The following SP9 variants were observed in gnomAD, a reference collection of about 807,000 sequenced individuals.
SP9 encodes the protein transcription factor Sp9.
In SP9, 5 loss-of-function variants were observed where a neutral mutation model predicts 23.0. The ratio of observed to expected loss-of-function variants is 0.22; its 90% CI spans 0.11 to 0.46. The LOEUF (loss-of-function observed/expected upper bound fraction) is 0.46, where lower values mean the gene tolerates loss of function less well. Among genes scored for constraint, SP9 ranks in the 20% least tolerant of loss-of-function variants. The probability of loss-of-function intolerance (pLI) is 0.99; values close to 1 mark genes in which losing one functional copy is unlikely to be tolerated. For missense variants in SP9, 542 were observed against 724.0 expected (o/e 0.75, Z 2.88); for synonymous variants, 360 against 356.5 (o/e 1.01, Z -0.11).
Position 174,334,979 on chromosome 2 carries a change from T to G in SP9, c.-114T>G. The stretch of plus-strand genomic sequence containing the variant: ...GAGTTTAGCCGGCGGGAGCCTGGAG[T>G]CCGCTCGGCACGAGCGCGGGGACGC... On this transcript the variant is annotated 5_prime_UTR_variant, in exon 1 of 2. Transcript: ENST00000394967. The G allele has an allele frequency of 1.6e-6, 2 of 1,262,084 alleles. No homozygotes were observed. Among genetic ancestry groups the G allele is most frequent in the East Asian group, 2.6e-5 (1 of 39,026 alleles). 78.2% of individuals were successfully genotyped at this position (1,262,084 alleles called of 1,614,324 possible).
Position 174,337,279 on chromosome 2 carries a change from C to G in SP9, c.1194C>G (p.Asn398Lys), listed in dbSNP as rs1413104927. ...GEKRFACPVC[N>K]KRFMRSDHLS... ...AGCGCTTCGCCTGTCCGGTGTGCAA[C>G]AAGCGCTTCATGCGCAGCGACCACC... Residue 398 changes from asparagine (N) to lysine (K), a missense_variant, in exon 2 of 2, where the codon AAC becomes AAG. Transcript: ENST00000394967. The G allele has an allele frequency of 4.5e-6, 7 of 1,559,854 alleles. No homozygotes were observed. Among genetic ancestry groups the G allele is most frequent in the East Asian group, 2.4e-5 (1 of 41,414 alleles).
chr2:174,337,447 G>GGCGGCGGCA lies in SP9; in HGVS notation c.1371_1379dup (p.Ala468_Ala470dup), dbSNP rs1490670464. The GGCGGCGGCA allele has an allele frequency of 2.4e-6, 3 of 1,257,226 alleles. No homozygotes were observed. Among genetic ancestry groups the GGCGGCGGCA allele is most frequent in the East Asian group, 3.7e-5 (1 of 27,142 alleles). 77.9% of individuals were successfully genotyped at this position (1,257,226 alleles called of 1,614,324 possible). A position where few individuals can be genotyped will look rare whatever the true frequency, so the allele number is the denominator to read the frequency against. ...ATGACTCCGGCGTCAGTGCCGCCCG[G>GGCGGCGGCA]GCGGCGGCAGCGGCGGCGGCGGCAG... On this transcript the variant is annotated inframe_insertion, in exon 2 of 2. Transcript: ENST00000394967.
rs1216086099 is a variant in SP9 at position 174,336,690 on chromosome 2, G to T, written c.605G>T (p.Ser202Ile). 1 of 1,519,882 alleles carries T rather than the reference G, an allele frequency of 6.6e-7. No homozygotes were observed. The highest frequency in any genetic ancestry group is 8.8e-7 in the Non-Finnish European group (1 of 1,139,968). The allele number at this position is 1,519,882 out of a possible 1,614,324, so 94.1% of individuals were successfully genotyped here. A position where few individuals can be genotyped will look rare whatever the true frequency, so the allele number is the denominator to read the frequency against. The change falls in exon 2 of 2, where the codon AGC (serine) becomes ATC (isoleucine). Residue 202 changes from serine (S) to isoleucine (I), a missense_variant. Around this residue, in one of 8 missense-constraint regions of SP9, gnomAD observed 144 missense variants for 158.7 expected, o/e 0.91. Transcript: ENST00000394967. ...CAGAACCCCGCTGGGGGGCTCCAGA[G>T]CTCGCTGCACTCGGGCGCCCCCCAG... is the stretch of plus-strand genomic sequence containing the variant. Reference protein sequence around the residue: ...EVQNPAGGLQSSLHSGAPQAS... With the variant: ...EVQNPAGGLQISLHSGAPQAS...
chr2:174,335,953 C>G, intron 1 of SP9, 154 bp from the exon 2 acceptor site: 1 of 693,962 alleles, frequency 1.4e-6, no homozygotes, highest in Non-Finnish European at 2.4e-6. Flanking sequence ...GCGACTCCTC[C>G]GCGGGCGCGT....
chr2:174,337,946 A>G lies in SP9; in HGVS notation c.*406A>G, dbSNP rs1017339303. On this transcript the variant is annotated 3_prime_UTR_variant, in exon 2 of 2. Transcript: ENST00000394967. ...ACATAGAAAGGCTCCCTCTTTGCCC[A>G]CTCTCCACCTCCCTCCAACACCCGT... 1 of 152,224 alleles carries G rather than the reference A, an allele frequency of 6.6e-6. No homozygotes were observed. The highest frequency in any genetic ancestry group is 2.4e-5 in the African/African-American group (1 of 41,338). 9.4% of individuals were successfully genotyped at this position (152,224 alleles called of 1,614,324 possible).
In SP9 at chr2:174,336,301, C is replaced by A; in HGVS notation, c.216C>A (p.Gly72=). 1 of 1,510,832 alleles carries A rather than the reference C, an allele frequency of 6.6e-7. No homozygotes were observed. Among genetic ancestry groups the A allele is most frequent in the Non-Finnish European group, 8.8e-7 (1 of 1,133,828 alleles). 93.6% of individuals were successfully genotyped at this position (1,510,832 alleles called of 1,614,324 possible). The change falls in exon 2 of 2, where the codon GGC becomes GGA. Residue 72 remains glycine, a synonymous_variant. Transcript: ENST00000394967. ...CGGGCTTCGCGGTGGCCACCGGGGG[C>A]CGTGGCTCGGGCGGCCTGGCGGGCG... The part of the protein sequence containing the change: ...SLSGFAVATG[G]RGSGGLAGGS...
rs2105510687 is a variant in SP9, at chr2:174,337,715, G to C, written c.*175G>C. 2 of 815,078 alleles carry C rather than the reference G, an allele frequency of 2.5e-6. No individual in the cohort carries two copies. The highest frequency in any genetic ancestry group is 1.5e-4 in the East Asian group (2 of 13,790). The allele number at this position is 815,078 out of a possible 1,614,324, so 50.5% of individuals were successfully genotyped here. Reference sequence around the variant, plus strand: ...GCTCCCGGGCTGCGGTTCGCCCGCTGTGCGAGGAGCTCCCCTCTGCCTTCC... The same window carrying C: ...GCTCCCGGGCTGCGGTTCGCCCGCTCTGCGAGGAGCTCCCCTCTGCCTTCC... On this transcript the variant is annotated 3_prime_UTR_variant, in exon 2 of 2. Transcript: ENST00000394967.
rs767151085 is a variant in SP9 at position 174,337,456 on chromosome 2, AGCGGCGGCGGCGGCAGCGGCG to A, written c.1386_1406del (p.Ala464_Ala470del). 3.6e-4 allele frequency: 455 copies of A among 1,265,880 alleles called. 41 individuals carry two copies. The highest frequency in any genetic ancestry group is 4.1e-4 in the East Asian group (11 of 27,132). The allele number at this position is 1,265,880 out of a possible 1,614,324, so 78.4% of individuals were successfully genotyped here. A position where few individuals can be genotyped will look rare whatever the true frequency, so the allele number is the denominator to read the frequency against. ...GCGTCAGTGCCGCCCGGGCGGCGGC[AGCGGCGGCGGCGGCAGCGGCG>A]GCGGCGGCGGCGGCGGCCTCCGCGG... On this transcript the variant is annotated inframe_deletion, in exon 2 of 2. Transcript: ENST00000394967.
In SP9 at chr2:174,338,429, G is replaced by A. The variant is rs1684454053; in HGVS notation, c.*889G>A. On this transcript the variant is annotated 3_prime_UTR_variant, in exon 2 of 2. Coordinates refer to ENST00000394967, the MANE Select transcript of SP9 (RefSeq NM_001145250.2). Reference sequence around the variant, plus strand: ...TTAAGGTCATCTAAAGAAATTAAATGCGTTTATCTGTATCAAGAAAATCTT... The same window carrying A: ...TTAAGGTCATCTAAAGAAATTAAATACGTTTATCTGTATCAAGAAAATCTT... 6.6e-6 allele frequency: 1 copy of A among 152,102 alleles called. No homozygotes were observed. Among genetic ancestry groups the A allele is most frequent in the African/African-American group, 2.4e-5 (1 of 41,408 alleles). The allele number at this position is 152,102 out of a possible 1,614,324, so 9.4% of individuals were successfully genotyped here.
Position 174,337,006 on chromosome 2 carries a change from C to T in SP9, c.921C>T (p.Thr307=), listed in dbSNP as rs187058116. The stretch of plus-strand genomic sequence containing the variant: ...CCCGCCGCTACTCGGGCCGCGCCAC[C>T]TGCGACTGCCCCAACTGCCAGGAGG... The part of the protein sequence containing the change: ...RSARRYSGRA[T]CDCPNCQEAE... The change falls in exon 2 of 2, where the codon ACC becomes ACT. Residue 307 remains threonine (T), a synonymous_variant. Transcript: ENST00000394967. 12,862 of 1,475,262 alleles carry T rather than the reference C, an allele frequency of 8.7e-3. 78 individuals are homozygous for T. Among genetic ancestry groups the T allele is most frequent in the Non-Finnish European group, 9.5e-3 (10,647 of 1,120,562 alleles). 91.4% of individuals were successfully genotyped at this position (1,475,262 alleles called of 1,614,324 possible).
At chr2:174,335,473 A>T in intron 1 of SP9, 1 of 286,308 alleles carries the variant, frequency 3.5e-6, no homozygotes, top group Non-Finnish European at 6.7e-6. Flanking sequence ...TTTGCAGTCC[A>T]TCTAGTCACG....
chr2:174,336,441 C>T lies in SP9; in HGVS notation c.356C>T (p.Ala119Val), dbSNP rs1312623213. 3.9e-5 allele frequency: 58 copies of T among 1,470,726 alleles called. No individual in the cohort carries two copies. The highest frequency in any genetic ancestry group is 4.8e-5 in the Non-Finnish European group (54 of 1,119,746). 91.1% of individuals were successfully genotyped at this position (1,470,726 alleles called of 1,614,324 possible). ...AACTCGGCGGCTGCCGCGGCGGCAGCGGCCGGGGTGTCCCCGCAGGAGGCG... is the reference window on the plus strand; with the variant it reads ...AACTCGGCGGCTGCCGCGGCGGCAGTGGCCGGGGTGTCCCCGCAGGAGGCG... ...FSNSAAAAAA[A>V]AGVSPQEAGG... The change falls in exon 2 of 2, where the codon GCG becomes GTG. Residue 119 changes from alanine to valine, a missense_variant. Physicochemically the swap from Ala to Val is moderately conservative, Grantham distance 64. Around this residue, in one of 8 missense-constraint regions of SP9, gnomAD observed 201 missense variants for 226.3 expected, o/e 0.89. Coordinates refer to ENST00000394967, the MANE Select transcript of SP9 (RefSeq NM_001145250.2).
chr2:174,336,035 G>A, intron 1 of SP9, 72 bp from the exon 2 acceptor site: 1 of 1,426,568 alleles, frequency 7.0e-7, no homozygotes, highest in Non-Finnish European at 9.6e-7. Flanking sequence ...GCTCACGGGT[G>A]CACTTTGTTT....
chr2:174,336,000 G>C, intron 1 of SP9, 107 bp from the exon 2 acceptor site: 1 of 1,087,398 alleles, frequency 9.2e-7, no homozygotes, highest in Non-Finnish European at 1.3e-6. Context: ...AGGACCCCCC[G>C]GGAGCAGCCG....
chr2:174,337,493 G>A lies in SP9; in HGVS notation c.1408G>A (p.Ala470Thr). 8.4e-7 allele frequency: 1 copy of A among 1,194,230 alleles called. No homozygotes were observed. Among genetic ancestry groups the A allele is most frequent in the Non-Finnish European group, 1.0e-6 (1 of 959,854 alleles). The allele number at this position is 1,194,230 out of a possible 1,614,324, so 74.0% of individuals were successfully genotyped here. A position where few individuals can be genotyped will look rare whatever the true frequency, so the allele number is the denominator to read the frequency against. Reference sequence around the variant, plus strand: ...GGCAGCGGCGGCGGCGGCGGCGGCGGCCTCCGCGGGAGGCAAGGAAGCAGC... The same window carrying A: ...GGCAGCGGCGGCGGCGGCGGCGGCGACCTCCGCGGGAGGCAAGGAAGCAGC... ...AAAAAAAAAA[A>T]SAGGKEAASG... is the part of the protein sequence containing the mutation. Residue 470 changes from alanine to threonine, a missense_variant, in exon 2 of 2, where the codon GCC becomes ACC. Coordinates refer to ENST00000394967, the MANE Select transcript of SP9 (RefSeq NM_001145250.2).
rs1373318717 is a variant in SP9, at chr2:174,336,970, G to C, written c.885G>C (p.Ser295=). 8.4e-6 allele frequency: 12 copies of C among 1,433,114 alleles called. No homozygotes were observed. The highest frequency in any genetic ancestry group is 1.5e-5 in the African/African-American group (1 of 66,678). The allele number at this position is 1,433,114 out of a possible 1,614,324, so 88.8% of individuals were successfully genotyped here. The change falls in exon 2 of 2, where the codon TCG becomes TCC. Residue 295 remains serine (S), a synonymous_variant. Coordinates refer to ENST00000394967, the MANE Select transcript of SP9 (RefSeq NM_001145250.2). Reference sequence around the variant, plus strand: ...CGGCTGCCGCCGCCGGGGGGAGCTCGGCACGCTCTGCCCGCCGCTACTCGG... The same window carrying C: ...CGGCTGCCGCCGCCGGGGGGAGCTCCGCACGCTCTGCCCGCCGCTACTCGG... ...GAAAAAAGGS[S]ARSARRYSGR...
In SP9 at chr2:174,337,437, G is replaced by A. The variant is rs1314948150; in HGVS notation, c.1352G>A (p.Ser451Asn). The A allele has an allele frequency of 2.2e-6, 3 of 1,337,468 alleles. No individual in the cohort carries two copies. The highest frequency in any genetic ancestry group is 3.0e-5 in the East Asian group (1 of 33,506). The allele number at this position is 1,337,468 out of a possible 1,614,324, so 82.9% of individuals were successfully genotyped here. A position where few individuals can be genotyped will look rare whatever the true frequency, so the allele number is the denominator to read the frequency against. Residue 451 changes from serine (S) to asparagine (N), a missense_variant, in exon 2 of 2, where the codon AGT (serine) becomes AAT (asparagine). Transcript: ENST00000394967. The stretch of plus-strand genomic sequence containing the variant: ...CTCATCCTGCATGACTCCGGCGTCA[G>A]TGCCGCCCGGGCGGCGGCAGCGGCG... ...PDLILHDSGV[S>N]AARAAAAAAA...
In SP9 at chr2:174,336,768, C is replaced by T; in HGVS notation, c.683C>T (p.Thr228Met). 1 of 1,533,382 alleles carries T rather than the reference C, an allele frequency of 6.5e-7. No homozygotes were observed. 95.0% of individuals were successfully genotyped at this position (1,533,382 alleles called of 1,614,324 possible). A position where few individuals can be genotyped will look rare whatever the true frequency, so the allele number is the denominator to read the frequency against. ...GTYNPDFSSL[T>M]HSAFSSTGLG... ...TACAACCCCGACTTCAGCTCGCTCA[C>T]GCACTCCGCCTTCAGCTCCACGGGC... is the stretch of plus-strand genomic sequence containing the variant. The change falls in exon 2 of 2, where the codon ACG (threonine) becomes ATG (methionine). Residue 228 changes from threonine (T) to methionine (M), a missense_variant. By Grantham distance (81) the Thr-to-Met change is moderately conservative. Around this residue, in one of 8 missense-constraint regions of SP9, gnomAD observed 144 missense variants for 158.7 expected, o/e 0.91. Transcript: ENST00000394967.
intron 1 of SP9, 43 bp from the exon 2 acceptor site, chr2:174,336,064 G>T (rs961227821): frequency 1.3e-6 from 2 of 1,533,244 alleles, no homozygotes; most frequent in Non-Finnish European, 1.8e-6. Context: ...ACTTCCTCTT[G>T]CCCTCCTCCT....
Sources: gnomAD v4.1 joint callset for allele counts on GRCh38, gnomAD v4.1.1 for gene constraint, gnomAD v4.1.1 regional missense constraint, MANE v1.5 for transcripts, NCBI Gene and HGNC (gene_info 2026-07-23, HGNC 2026-07-21) for gene names.